SKAP2: variants seen among roughly 807,000 people sequenced by gnomAD.
The protein encoded by SKAP2 is src kinase associated phosphoprotein 2.
Under a neutral mutation model 54.9 loss-of-function variants are expected in SKAP2, and 28 were observed. The observed-to-expected ratio is 0.51, with a 90% CI of 0.38 to 0.70. The LOEUF (loss-of-function observed/expected upper bound fraction) is 0.70. Among genes scored for constraint, SKAP2 ranks in the 30% least tolerant of loss-of-function variants. The pLI, the probability that SKAP2 is intolerant of heterozygous loss-of-function variation, is 0.00. For missense variants in SKAP2, 356 were observed against 424.1 expected (o/e 0.84, Z 1.41); for synonymous variants, 137 against 134.3 (o/e 1.02, Z -0.14).
rs1466363293 is a variant in SKAP2 at position 26,698,020 on chromosome 7, T to C, written c.797-7658A>G. ...TATTAGATTAAAAAATACTATCTAGTGACAAATAGGCTGATGTTATGATTA... is the reference window on the plus strand; with the variant it reads ...TATTAGATTAAAAAATACTATCTAGCGACAAATAGGCTGATGTTATGATTA... On this transcript the variant is annotated intron_variant, in intron 9 of 12. Coordinates refer to ENST00000345317, the MANE Select transcript of SKAP2 (RefSeq NM_003930.5). 3.3e-5 allele frequency among the ~76,000 whole-genome samples: 5 copies of C among 152,306 alleles called. No individual in the cohort carries two copies. The East Asian group carries it at 5.8e-4, about 18-fold the overall frequency.
At chr7:26,764,207 T>C (rs754142623) in intron 4 of SKAP2, among the ~76,000 whole-genome samples, 2 of 152,192 alleles carry the variant, frequency 1.3e-5, no homozygotes, top group African/African-American at 2.4e-5. Context: ...GGTGTGGGTA[T>C]ATATGTGTCT....
chr7:26,790,139 G>A (rs569529917), intron 4 of SKAP2, among the ~76,000 whole-genome samples: 1 of 152,258 alleles, frequency 6.6e-6, no homozygotes, highest in South Asian at 2.1e-4. Flanking sequence ...ACACCTTTAT[G>A]AGCTGAATTA....
intron 1 of SKAP2, among the ~76,000 whole-genome samples, chr7:26,855,968 T>C (rs1339904002): frequency 6.6e-6 from 1 of 152,108 alleles, no homozygotes; most frequent in African/African-American, 2.4e-5. Context: ...TACGTATAAA[T>C]AGTTCAAAGT....
At chr7:26,664,216 T>C (rs1306915278), downstream of SKAP2, among the ~76,000 whole-genome samples, 2 of 152,170 alleles carry the variant, frequency 1.3e-5, no homozygotes, top group Non-Finnish European at 2.9e-5. Flanking sequence ...GACAAATTAT[T>C]CAGCCTGTTT....
Position 26,711,688 on chromosome 7 carries a change from C to T in SKAP2, c.796+13740G>A, listed in dbSNP as rs1290751631. Among the ~76,000 whole-genome samples the T allele has an allele frequency of 1.6e-4, 25 of 152,152 alleles. 1 individual carries two copies. Among genetic ancestry groups the T allele is most frequent in the Admixed American group, 1.6e-3 (25 of 15,268 alleles). ...TTTGTGTGGGACCATGGCTCAGGGCCTGGCCAGTTAGTTTGAACTTGGTTT... is the reference window on the plus strand; with the variant it reads ...TTTGTGTGGGACCATGGCTCAGGGCTTGGCCAGTTAGTTTGAACTTGGTTT... On this transcript the variant is annotated intron_variant, in intron 9 of 12. Transcript: ENST00000345317.
At position 26,765,364 on chromosome 7, in the gene SKAP2, G is replaced by A. The variant is rs141830985; in HGVS notation, c.308-25400C>T. Among the ~76,000 whole-genome samples, 831 of 151,970 alleles carry A rather than the reference G, an allele frequency of 5.5e-3. 3 individuals are homozygous for A. The highest frequency in any genetic ancestry group is 0.019 in the African/African-American group (769 of 41,450). The stretch of plus-strand genomic sequence containing the variant: ...TTTGTTTAAGTTCCTTGTGGATTCC[G>A]GATATTAGCCCCCTGTCAGATGGAT... On this transcript the variant is annotated intron_variant, in intron 4 of 12. Transcript: ENST00000345317.
intron 4 of SKAP2, among the ~76,000 whole-genome samples, chr7:26,773,856 T>C (rs553823124): frequency 6.6e-6 from 1 of 152,110 alleles, no homozygotes; most frequent in Non-Finnish European, 1.5e-5. Context: ...CAGAATCAAA[T>C]TGCAACTAAA....
intron 4 of SKAP2, among the ~76,000 whole-genome samples, chr7:26,805,357 A>C (rs1204385869): frequency 6.6e-6 from 1 of 152,196 alleles, no homozygotes; most frequent in African/African-American, 2.4e-5. Flanking sequence ...CTGATTTTAA[A>C]ATGAGTTCAC....
chr7:26,829,330 C>T (rs1287994537), intron 4 of SKAP2, among the ~76,000 whole-genome samples: 1 of 151,884 alleles, frequency 6.6e-6, no homozygotes, highest in Non-Finnish European at 1.5e-5. Context: ...CCCAGGAGTT[C>T]AAGACTAGCC....
chr7:26,807,524 A>C (rs1784055622), intron 4 of SKAP2, among the ~76,000 whole-genome samples: 1 of 152,238 alleles, frequency 6.6e-6, no homozygotes, highest in African/African-American at 2.4e-5. Flanking sequence ...AGGCGCCCCC[A>C]GCCATGTGGA....
chr7:26,786,701 T>C (rs1246308598), intron 4 of SKAP2, among the ~76,000 whole-genome samples: 2 of 152,192 alleles, frequency 1.3e-5, no homozygotes, highest in African/African-American at 2.4e-5. Context: ...AAGAGCAGGG[T>C]CATGAGCTCT....
chr7:26,731,884 T>A (rs1166446956), intron 6 of SKAP2, among the ~76,000 whole-genome samples: 1 of 152,264 alleles, frequency 6.6e-6, no homozygotes, highest in Non-Finnish European at 1.5e-5. Flanking sequence ...TCTATTTTTC[T>A]GGCAAATATA....
intron 4 of SKAP2, among the ~76,000 whole-genome samples, chr7:26,786,423 G>A (rs1783546020): frequency 6.6e-6 from 1 of 152,210 alleles, no homozygotes; most frequent in Non-Finnish European, 1.5e-5. Context: ...TAATGGGATG[G>A]AGAATGATGA....
intron 4 of SKAP2, among the ~76,000 whole-genome samples, chr7:26,800,016 T>C (rs6461975): frequency 0.3 from 45,116 of 151,020 alleles, 6,998 homozygotes; most frequent in Middle Eastern, 0.37. Flanking sequence ...CCCAGCTACT[T>C]AGGAGGCTGA....
At chr7:26,740,151 TAA>T (rs60264987) in intron 4 of SKAP2, among the ~76,000 whole-genome samples, 187 bp from the exon 5 acceptor site, 1,551 of 129,778 alleles carry the variant, frequency 0.012, 19 homozygotes, top group African/African-American at 0.039. Context: ...GTCTCAAAAG[TAA>T]AAAAAAAAAA....
intron 11 of SKAP2, among the ~76,000 whole-genome samples, chr7:26,674,948 G>A (rs1055360592): frequency 6.6e-6 from 1 of 152,086 alleles, no homozygotes; most frequent in Non-Finnish European, 1.5e-5. Flanking sequence ...ATAATGTTAG[G>A]CAAAGAAGAT....
At chr7:26,677,497 A>G (rs1051163689) in intron 11 of SKAP2, among the ~76,000 whole-genome samples, 1 of 152,024 alleles carries the variant, frequency 6.6e-6, no homozygotes, top group Non-Finnish European at 1.5e-5. Flanking sequence ...TCCATAGCAC[A>G]GCCGTTCTTC....
intron 1 of SKAP2, among the ~76,000 whole-genome samples, chr7:26,858,737 G>GT (rs1311360354): frequency 5.9e-5 from 9 of 152,228 alleles, no homozygotes; most frequent in Admixed American, 1.3e-4. Flanking sequence ...AGATCACATA[G>GT]TGAAAAGGTG....
At chr7:26,805,172 T>G (rs188868983) in intron 4 of SKAP2, among the ~76,000 whole-genome samples, 2 of 152,270 alleles carry the variant, frequency 1.3e-5, no homozygotes, top group Admixed American at 1.3e-4. Flanking sequence ...CTGGGCAACA[T>G]AGTGACACCC....
Sources: gnomAD v4.1 joint callset for allele counts (sites outside exome capture counted in the v4.1 genomes callset) on GRCh38, gnomAD v4.1.1 for gene constraint, MANE v1.5 for transcripts, NCBI Gene and HGNC (gene_info 2026-07-23, HGNC 2026-07-21) for gene names.